RPL30: variants seen among roughly 807,000 people sequenced by gnomAD.
RPL30 encodes ribosomal protein L30, also known as large ribosomal subunit protein eL30.
For synonymous variants in RPL30, 40 were observed against 50.4 expected (o/e 0.79, Z 0.87); for missense variants, 60 against 138.0 (o/e 0.43, Z 2.83).
chr8:98,042,489 A>G, intron 4 of RPL30, 156 bp downstream of exon 4: 1 of 696,484 alleles, frequency 1.4e-6, no homozygotes, highest in South Asian at 1.9e-5. Context: ...ATTCATTACC[A>G]ATTCTCTACA....
At chr8:98,042,263 G>T (rs749337602) in intron 4 of RPL30, 2 of 504,452 alleles carry the variant, frequency 4.0e-6, no homozygotes, top group Admixed American at 2.4e-5. Context: ...GAATGATGTA[G>T]ATTTTTTGGC....
intron 4 of RPL30, chr8:98,042,058 C>T: frequency 1.4e-6 from 1 of 712,166 alleles, no homozygotes; most frequent in South Asian, 1.4e-5. Context: ...ATTATATAAT[C>T]ACATAAAATG....
chr8:98,043,110 A>G (rs1814409630), intron 3 of RPL30: 1 of 166,332 alleles, frequency 6.0e-6, no homozygotes, highest in Non-Finnish European at 1.3e-5. Flanking sequence ...TTCCATGACA[A>G]TCTCTAAAGT....
chr8:98,042,178 C>G (rs544940339), intron 4 of RPL30: 2 of 575,486 alleles, frequency 3.5e-6, no homozygotes, highest in Non-Finnish European at 6.7e-6. Context: ...TTTAGCCTGT[C>G]CTGACTATTA....
chr8:98,042,162 C>T (rs773389069), intron 4 of RPL30: 9 of 587,558 alleles, frequency 1.5e-5, no homozygotes, highest in South Asian at 2.8e-5. Context: ...CTTAATATAG[C>T]GAATGTTTAG....
chr8:98,042,906 T>C, intron 3 of RPL30, 131 bp from the exon 4 acceptor site: 1 of 804,352 alleles, frequency 1.2e-6, no homozygotes, highest in Non-Finnish European at 1.9e-6. Context: ...ATATTACTCT[T>C]AAAAACATCA....
intron 2 of RPL30, 78 bp downstream of exon 2, chr8:98,045,269 G>A (rs1814455457): frequency 2.5e-6 from 4 of 1,596,900 alleles, no homozygotes; most frequent in Admixed American, 1.7e-5. Flanking sequence ...TGTCACCCCC[G>A]TGGGCTCACA....
intron 1 of RPL30, 35 bp downstream of exon 1, chr8:98,045,473 G>C (rs1445991970): frequency 3.9e-5 from 56 of 1,418,736 alleles, no homozygotes; most frequent in Non-Finnish European, 5.6e-5. Context: ...AGCTCCCCGC[G>C]CTGCCTAAAC....
intron 2 of RPL30, 117 bp downstream of exon 2, chr8:98,045,230 T>C: frequency 1.9e-6 from 3 of 1,552,684 alleles, no homozygotes; most frequent in Non-Finnish European, 2.7e-6. Flanking sequence ...GGATTCCTTC[T>C]GGGGCCCTCC....
At chr8:98,042,543 T>G in intron 4 of RPL30, 102 bp downstream of exon 4, 8 of 1,161,700 alleles carry the variant, frequency 6.9e-6, no homozygotes, top group Non-Finnish European at 9.8e-6. Context: ...ATATTCTATC[T>G]GAATTTAGGA....
At chr8:98,042,816 A>C (rs1159137567) in intron 3 of RPL30, 41 bp from the exon 4 acceptor site, 17 of 1,523,508 alleles carry the variant, frequency 1.1e-5, no homozygotes, top group Non-Finnish European at 1.5e-5. Flanking sequence ...ATGCGATACC[A>C]AGTGACTGAC....
chr8:98,042,529 A>T (rs893687024), intron 4 of RPL30, 116 bp downstream of exon 4: 3 of 967,124 alleles, frequency 3.1e-6, no homozygotes. Context: ...GCCTTGCTAG[A>T]TCCATATTCT....
In RPL30 at chr8:98,042,085, G is replaced by A. The variant is rs1227869842; in HGVS notation, c.299-235C>T. 1.9e-5 allele frequency: 13 copies of A among 677,500 alleles called. No individual in the cohort carries two copies. In the East Asian group the frequency reaches 3.6e-4, roughly 19 times the overall value. The allele number at this position is 677,500 out of a possible 1,614,324, so 42.0% of individuals were successfully genotyped here. On this transcript the variant is annotated intron_variant, in intron 4 of 4. Transcript: ENST00000287038. ...CATAAAATGATCATATAATAAAATT[G>A]GTTTATCACCAGCATTTATAAAACC...
At chr8:98,044,259 A>G (rs1421679319) in intron 3 of RPL30, 2 of 152,290 alleles carry the variant, frequency 1.3e-5, no homozygotes, top group Non-Finnish European at 2.9e-5. Flanking sequence ...AGAAAGTTTC[A>G]AAGAATGGTT....
At position 98,042,709 on chromosome 8, in the gene RPL30, A is replaced by G; in HGVS notation, c.234T>C (p.Asn78=). The G allele has an allele frequency of 6.2e-7, 1 of 1,611,140 alleles. No homozygotes were observed. The highest frequency in any genetic ancestry group is 8.5e-7 in the Non-Finnish European group (1 of 1,179,104). ...KTGVHHYSGN[N]IELGTACGKY... is the part of the protein sequence containing the mutation. Reference sequence around the variant, plus strand: ...TTCCGCATGCTGTGCCCAGTTCAATATTATTGCCACTGTAGTGATGGACAC... The same window carrying G: ...TTCCGCATGCTGTGCCCAGTTCAATGTTATTGCCACTGTAGTGATGGACAC... Residue 78 remains asparagine, a synonymous_variant, in exon 4 of 5, where the codon AAT becomes AAC. Coordinates refer to ENST00000287038, the MANE Select transcript of RPL30 (RefSeq NM_000989.4).
chr8:98,044,072 T>A (rs962598999), intron 3 of RPL30: 1 of 152,322 alleles, frequency 6.6e-6, no homozygotes, highest in Admixed American at 6.5e-5. Flanking sequence ...ATTGTGCCAT[T>A]GCACTCCAGC....
At chr8:98,044,880 C>T in intron 3 of RPL30, 63 bp downstream of exon 3, 1 of 1,537,278 alleles carries the variant, frequency 6.5e-7, no homozygotes, top group East Asian at 2.2e-5. Context: ...CAAGTTTACA[C>T]TCCTGTATAT....
rs1814449227 is a variant in RPL30, at chr8:98,044,932, T to C, written c.167+11A>G. On this transcript the variant is annotated intron_variant, in intron 3 of 4. Coordinates refer to ENST00000287038, the MANE Select transcript of RPL30 (RefSeq NM_000989.4). ...CGCGGTAGGCGAAGCCCGTTCAGTC[T>C]CTTCGATTACCTCAAAGCTGGGCAG... is the stretch of plus-strand genomic sequence containing the variant. 5 of 1,611,346 alleles carry C rather than the reference T, an allele frequency of 3.1e-6. No homozygotes were observed. The East Asian group carries it at 6.7e-5, about 22-fold the overall frequency.
At chr8:98,044,760 G>C in intron 3 of RPL30, 183 bp downstream of exon 3, 1 of 611,778 alleles carries the variant, frequency 1.6e-6, no homozygotes, top group Admixed American at 3.2e-5. Flanking sequence ...GCTCACAGAA[G>C]GGGAGCACAC....
Sources: gnomAD v4.1 joint callset for allele counts on GRCh38, gnomAD v4.1.1 for gene constraint, MANE v1.5 for transcripts, NCBI Gene and HGNC (gene_info 2026-07-23, HGNC 2026-07-21) for gene names.